MAPRE1: variants seen among roughly 807,000 people sequenced by gnomAD.
The protein encoded by MAPRE1 is microtubule-associated protein RP/EB family member 1.
MAPRE1 carries 5 observed loss-of-function variants against 32.1 expected under a neutral mutation model. That is an observed-to-expected ratio of 0.16 (90% CI 0.08 to 0.33). The LOEUF (loss-of-function observed/expected upper bound fraction) is 0.33. Among genes scored for constraint, MAPRE1 ranks in the 10% least tolerant of loss-of-function variants. MAPRE1 has a pLI of 1.00. For synonymous variants in MAPRE1, 122 were observed against 118.9 expected (o/e 1.03, Z -0.17); for missense variants, 209 against 327.2 (o/e 0.64, Z 2.79).
chr20:32,826,309 C>T (rs554022941), intron 2 of MAPRE1, among the ~76,000 whole-genome samples: 158 of 150,182 alleles, frequency 1.1e-3, no homozygotes, highest in African/African-American at 3.2e-3. Context: ...CTCCGCTTCC[C>T]GGGTTCACAC....
At chr20:32,835,368 T>TTTTTTTTTTTTTTTG (rs1568879963) in intron 3 of MAPRE1, among the ~76,000 whole-genome samples, 2 of 141,504 alleles carry the variant, frequency 1.4e-5, no homozygotes, top group African/African-American at 5.6e-5. Context: ...ATTGGTGTTT[T>TTTTTTTTTTTTTTTG]TTTTTTTTTT....
chr20:32,848,087 C>T (rs1384045035), intron 6 of MAPRE1, among the ~76,000 whole-genome samples: 1 of 151,730 alleles, frequency 6.6e-6, no homozygotes, highest in African/African-American at 2.4e-5. Flanking sequence ...CTTTATTGCC[C>T]AGGCTGGAGT....
At chr20:32,841,544 C>T (rs888606065) in intron 5 of MAPRE1, among the ~76,000 whole-genome samples, 1 of 151,440 alleles carries the variant, frequency 6.6e-6, no homozygotes, top group Admixed American at 6.6e-5. Context: ...TATACATGTG[C>T]CATGCTGGTG....
intron 5 of MAPRE1, 132 bp from the exon 6 acceptor site, chr20:32,846,486 T>C: frequency 2.4e-6 from 2 of 819,440 alleles, no homozygotes; most frequent in Non-Finnish European, 2.0e-6. Context: ...AAAATTGACA[T>C]TAAACTGATG....
intron 3 of MAPRE1, among the ~76,000 whole-genome samples, chr20:32,836,100 AG>A (rs2146131776): frequency 6.6e-6 from 1 of 152,006 alleles, no homozygotes; most frequent in East Asian, 1.9e-4. Context: ...CTGGGACCAT[AG>A]GCGCATGCCA....
At chr20:32,843,970 C>G (rs1418917145) in intron 5 of MAPRE1, among the ~76,000 whole-genome samples, 2 of 152,118 alleles carry the variant, frequency 1.3e-5, no homozygotes, top group East Asian at 3.9e-4. Flanking sequence ...ACTCCTGCCC[C>G]AGCCTCCCAA....
At chr20:32,821,772 C>G (rs1488872667) in intron 1 of MAPRE1, among the ~76,000 whole-genome samples, 1 of 152,140 alleles carries the variant, frequency 6.6e-6, no homozygotes, top group Non-Finnish European at 1.5e-5. Context: ...TGCTTTAGAG[C>G]CAGCGTTGAA....
At chr20:32,820,067 G>C (rs1185287815) in intron 1 of MAPRE1, 39 bp downstream of exon 1, 1 of 152,216 alleles carries the variant, frequency 6.6e-6, no homozygotes, top group Non-Finnish European at 1.5e-5. Context: ...CGGCTGGGGG[G>C]GCGGCCGCGT....
At chr20:32,825,025 G>A (rs1332647358) in intron 1 of MAPRE1, among the ~76,000 whole-genome samples, 2 of 151,734 alleles carry the variant, frequency 1.3e-5, no homozygotes, top group African/African-American at 2.4e-5. Flanking sequence ...GGTGGCATGC[G>A]CCTGTAATCC....
chr20:32,837,735 A>G (rs1056220260), intron 4 of MAPRE1, among the ~76,000 whole-genome samples: 4 of 152,210 alleles, frequency 2.6e-5, no homozygotes, highest in African/African-American at 4.8e-5. Flanking sequence ...AATATATCCA[A>G]AGAATTGTGT....
intron 2 of MAPRE1, among the ~76,000 whole-genome samples, chr20:32,828,858 A>G (rs1194538897): frequency 6.6e-6 from 1 of 152,090 alleles, no homozygotes; most frequent in East Asian, 1.9e-4. Flanking sequence ...GGATTAAACA[A>G]ATGTAAATTA....
At chr20:32,826,742 C>T (rs1000652409) in intron 2 of MAPRE1, among the ~76,000 whole-genome samples, 4 of 151,458 alleles carry the variant, frequency 2.6e-5, no homozygotes, top group African/African-American at 2.4e-5. Context: ...AGGTCGAACT[C>T]GTGACCTCAA....
intron 1 of MAPRE1, among the ~76,000 whole-genome samples, chr20:32,820,558 T>C (rs1325054818): frequency 6.6e-6 from 1 of 152,146 alleles, no homozygotes; most frequent in African/African-American, 2.4e-5. Flanking sequence ...ATTAAACTCT[T>C]AGCGCGATGT....
rs1983608698 is a variant in MAPRE1, at chr20:32,850,264, C to T, written c.*1536C>T. On this transcript the variant is annotated 3_prime_UTR_variant, in exon 7 of 7. Coordinates refer to ENST00000375571, the MANE Select transcript of MAPRE1 (RefSeq NM_012325.3). ...AGCCATTGTTCAAATGACAGTGGTG[C>T]TATTTCTCTTTTGTGGCCTTTTAGA... 2.0e-5 allele frequency: 3 copies of T among 152,616 alleles called. No homozygotes were observed. The highest frequency in any genetic ancestry group is 2.0e-4 in the Admixed American group (3 of 15,276). 9.5% of individuals were successfully genotyped at this position (152,616 alleles called of 1,614,324 possible). A position where few individuals can be genotyped will look rare whatever the true frequency, so the allele number is the denominator to read the frequency against.
intron 2 of MAPRE1, among the ~76,000 whole-genome samples, chr20:32,827,004 C>A (rs1337888663): frequency 2.6e-5 from 4 of 152,154 alleles, no homozygotes; most frequent in African/African-American, 4.8e-5. Context: ...GTTTTATGTT[C>A]ATCAGTGGCA....
chr20:32,848,794 C>T lies in MAPRE1; in HGVS notation c.*66C>T, dbSNP rs1391724933. On this transcript the variant is annotated 3_prime_UTR_variant, in exon 7 of 7. Transcript: ENST00000375571. ...AAATCATGTGCTTAACTGTAAAATA[C>T]TCCCTTTTGTTATCCTTAGAGGACT... 8 of 1,412,816 alleles carry T rather than the reference C, an allele frequency of 5.7e-6. No homozygotes were observed. The Admixed American group carries it at 1.5e-4, about 27-fold the overall frequency. 87.5% of individuals were successfully genotyped at this position (1,412,816 alleles called of 1,614,324 possible). A position where few individuals can be genotyped will look rare whatever the true frequency, so the allele number is the denominator to read the frequency against.
At chr20:32,824,202 G>A (rs1336724017) in intron 1 of MAPRE1, among the ~76,000 whole-genome samples, 2 of 152,246 alleles carry the variant, frequency 1.3e-5, no homozygotes, top group Non-Finnish European at 2.9e-5. Context: ...TTGCTTTTCT[G>A]TATCCTGGTC....
chr20:32,840,699 A>C (rs967701507), intron 5 of MAPRE1, among the ~76,000 whole-genome samples: 2 of 152,164 alleles, frequency 1.3e-5, no homozygotes, highest in Non-Finnish European at 2.9e-5. Context: ...CTAAAAGCCA[A>C]GTCCTGAAAC....
At chr20:32,823,043 C>A (rs543914949) in intron 1 of MAPRE1, among the ~76,000 whole-genome samples, 1 of 152,280 alleles carries the variant, frequency 6.6e-6, no homozygotes, top group Middle Eastern at 3.4e-3. Flanking sequence ...CTCTCTTTGA[C>A]GCTGTTCTGC....
Sources: gnomAD v4.1 joint callset for allele counts (sites outside exome capture counted in the v4.1 genomes callset) on GRCh38, gnomAD v4.1.1 for gene constraint, MANE v1.5 for transcripts, NCBI Gene and HGNC (gene_info 2026-07-23, HGNC 2026-07-21) for gene names.